The following CNTNAP2 variants were observed in gnomAD, a reference collection of about 807,000 sequenced individuals.
The protein encoded by CNTNAP2 is contactin-associated protein-like 2.
A neutral mutation model predicts 155.2 loss-of-function variants in CNTNAP2; 98 were observed. The observed-to-expected ratio is 0.63, with a 90% confidence interval of 0.54 to 0.75. CNTNAP2 has a LOEUF of 0.75. CNTNAP2 is among the 30% of genes least tolerant of loss of function. The pLI is 0.00. For synonymous variants in CNTNAP2, 651 were observed against 631.2 expected (o/e 1.03, Z -0.47); for missense variants, 1,727 against 1,688.1 (o/e 1.02, Z -0.40).
chr7:147,266,811 A>T (rs1271902901), intron 8 of CNTNAP2, among the ~76,000 whole-genome samples: 2 of 152,136 alleles, frequency 1.3e-5, no homozygotes. Flanking sequence ...TTGGTGCTTT[A>T]TTTAAGTTTC....
intron 8 of CNTNAP2, among the ~76,000 whole-genome samples, chr7:147,179,115 C>A (rs974802532): frequency 1.3e-5 from 2 of 152,070 alleles, no homozygotes. Context: ...TGTTAAGTGC[C>A]GTCTTAAGAG....
At chr7:146,257,888 A>AC (rs1563011297) in intron 1 of CNTNAP2, among the ~76,000 whole-genome samples, 1 of 147,180 alleles carries the variant, frequency 6.8e-6, no homozygotes, top group African/African-American at 2.5e-5. Context: ...TTATCCAGCA[A>AC]TTTTTTTTTT....
At chr7:147,566,049 G>A (rs1417080864) in intron 12 of CNTNAP2, among the ~76,000 whole-genome samples, 1 of 150,646 alleles carries the variant, frequency 6.6e-6, no homozygotes, top group African/African-American at 2.4e-5. Context: ...GGGAGGCCAA[G>A]ACAGGTGGAT....
chr7:146,622,291 A>ATG (rs1799340061), intron 1 of CNTNAP2, among the ~76,000 whole-genome samples: 2 of 141,690 alleles, frequency 1.4e-5, no homozygotes, highest in Non-Finnish European at 3.1e-5. Context: ...ATATATATAT[A>ATG]TGTTTTAGCT....
chr7:147,406,772 T>A, intron 10 of CNTNAP2, among the ~76,000 whole-genome samples: 1 of 152,178 alleles, frequency 6.6e-6, no homozygotes, highest in East Asian at 1.9e-4. Context: ...TTGAAATGGT[T>A]TTGAAAAATG....
intron 8 of CNTNAP2, among the ~76,000 whole-genome samples, chr7:147,261,146 C>T (rs1210232329): frequency 6.6e-6 from 1 of 152,130 alleles, no homozygotes; most frequent in Non-Finnish European, 1.5e-5. Context: ...AAAAATATAG[C>T]TAGTAATGCC....
chr7:146,390,552 C>G (rs1795525311), intron 1 of CNTNAP2, among the ~76,000 whole-genome samples: 4 of 150,452 alleles, frequency 2.7e-5, no homozygotes, highest in African/African-American at 7.3e-5. Flanking sequence ...TATATATACA[C>G]ACTATATATA....
In CNTNAP2 at chr7:148,275,524, C is replaced by A. The variant is rs537700691; in HGVS notation, c.3475+8398C>A. Reference sequence around the variant, plus strand: ...CAAAACAGTAGTTTATTATTTCTGGCAATTCTGTGGATTGGCAGGGTGGTT... The same window carrying A: ...CAAAACAGTAGTTTATTATTTCTGGAAATTCTGTGGATTGGCAGGGTGGTT... On this transcript the variant is annotated intron_variant, in intron 21 of 23. Transcript: ENST00000361727. 2.6e-5 allele frequency among the ~76,000 whole-genome samples: 4 copies of A among 152,340 alleles called. No individual in the cohort carries two copies. In the East Asian group the frequency reaches 5.8e-4, roughly 22 times the overall value.
At chr7:146,290,112 T>C (rs762935517) in intron 1 of CNTNAP2, among the ~76,000 whole-genome samples, 14 of 152,138 alleles carry the variant, frequency 9.2e-5, no homozygotes, top group Non-Finnish European at 1.8e-4. Context: ...ATGTATGAGG[T>C]ATGGCTCACA....
intron 14 of CNTNAP2, among the ~76,000 whole-genome samples, chr7:147,945,801 C>A (rs559038787): frequency 6.6e-6 from 1 of 151,344 alleles, no homozygotes; most frequent in Admixed American, 6.6e-5. Flanking sequence ...GCCTTGGTTG[C>A]ACTCCCTGGA....
At chr7:146,865,182 T>C (rs1795179926) in intron 3 of CNTNAP2, among the ~76,000 whole-genome samples, 2 of 152,018 alleles carry the variant, frequency 1.3e-5, no homozygotes. Context: ...CATTCTTTAC[T>C]GTAATTAAAA....
At chr7:147,545,180 C>T (rs1271526128) in intron 11 of CNTNAP2, among the ~76,000 whole-genome samples, 1 of 151,998 alleles carries the variant, frequency 6.6e-6, no homozygotes, top group Non-Finnish European at 1.5e-5. Flanking sequence ...AAAATATTCC[C>T]TGAATCCCTA....
intron 9 of CNTNAP2, among the ~76,000 whole-genome samples, chr7:147,379,877 A>G (rs1477980339): frequency 6.6e-6 from 1 of 152,110 alleles, no homozygotes; most frequent in Non-Finnish European, 1.5e-5. Flanking sequence ...TCTGACTACT[A>G]TAGCCCACCA....
At chr7:146,930,191 A>T (rs1259911699) in intron 3 of CNTNAP2, among the ~76,000 whole-genome samples, 1 of 152,220 alleles carries the variant, frequency 6.6e-6, no homozygotes, top group East Asian at 1.9e-4. Flanking sequence ...CCAGAGAGAA[A>T]GGTCGGGTTA....
At chr7:148,164,409 C>A (rs773043947) in intron 17 of CNTNAP2, among the ~76,000 whole-genome samples, 1 of 151,986 alleles carries the variant, frequency 6.6e-6, no homozygotes, top group Non-Finnish European at 1.5e-5. Flanking sequence ...GCTGTGGCTG[C>A]CATGCCAGAG....
intron 1 of CNTNAP2, among the ~76,000 whole-genome samples, chr7:146,735,316 G>T (rs1801593485): frequency 6.6e-6 from 1 of 152,186 alleles, no homozygotes; most frequent in African/African-American, 2.4e-5. Flanking sequence ...ACTTTGGGAG[G>T]CCGAGACGGG....
intron 22 of CNTNAP2, among the ~76,000 whole-genome samples, chr7:148,399,013 T>C (rs977468018): frequency 2.0e-5 from 3 of 152,224 alleles, no homozygotes; most frequent in African/African-American, 7.2e-5. Context: ...AACAACCAAT[T>C]CTTGCTAATA....
intron 15 of CNTNAP2, among the ~76,000 whole-genome samples, chr7:148,033,254 C>T (rs1004433449): frequency 1.3e-5 from 2 of 151,936 alleles, no homozygotes; most frequent in Non-Finnish European, 2.9e-5. Flanking sequence ...AGAAATTCTT[C>T]GTAATTTAGA....
At chr7:146,299,070 G>C (rs564460207) in intron 1 of CNTNAP2, among the ~76,000 whole-genome samples, 8 of 151,740 alleles carry the variant, frequency 5.3e-5, no homozygotes, top group Admixed American at 2.0e-4. Context: ...TCAGGAGCTC[G>C]AGACCAGCCT....
Sources: allele counts gnomAD v4.1 joint callset (sites outside exome capture counted in the v4.1 genomes callset), GRCh38; gene constraint gnomAD v4.1.1; transcripts MANE v1.5; gene names NCBI Gene and HGNC (gene_info 2026-07-23, HGNC 2026-07-21).